The following IL1RAPL2 variants were observed in gnomAD, a reference collection of about 807,000 sequenced individuals.
The protein encoded by IL1RAPL2 is interleukin 1 receptor accessory protein like 2.
IL1RAPL2 carries 3 observed loss-of-function variants against 44.1 expected under a neutral mutation model. The observed-to-expected ratio is 0.07, with a 90% CI of 0.03 to 0.18. The LOEUF (loss-of-function observed/expected upper bound fraction) is 0.18. Ranked by LOEUF, IL1RAPL2 falls within the 10% of genes least tolerant of loss-of-function variation. The pLI is 1.00. For synonymous variants in IL1RAPL2, 181 were observed against 178.8 expected, an observed-to-expected ratio of 1.01 and a Z score of -0.10; for missense variants, 391 against 496.4, an observed-to-expected ratio of 0.79 and a Z score of 2.02.
At chrX:105,496,876 A>C (rs2036359932) in intron 6 of IL1RAPL2, among the ~76,000 whole-genome samples, 1 of 111,797 alleles carries the variant, frequency 8.9e-6, no homozygotes, top group African/African-American at 3.3e-5. Context: ...TTTCTCAGTC[A>C]AGTGGTTTGC....
chrX:105,180,191 G>A (rs1231865021), intron 2 of IL1RAPL2, among the ~76,000 whole-genome samples: 1 of 109,909 alleles, frequency 9.1e-6, no homozygotes, highest in East Asian at 2.9e-4. Flanking sequence ...ACAAAAATTA[G>A]CCAGGTGTGG....
chrX:104,775,667 TATA>T (rs975328062), intron 2 of IL1RAPL2, among the ~76,000 whole-genome samples: 1 of 111,763 alleles, frequency 8.9e-6, no homozygotes, highest in African/African-American at 3.3e-5. Context: ...TCTCTGCAAT[TATA>T]ATGTGTTAAT....
chrX:105,621,581 G>C (rs2047895572), intron 6 of IL1RAPL2, among the ~76,000 whole-genome samples: 1 of 111,457 alleles, frequency 9.0e-6, no homozygotes, highest in African/African-American at 3.3e-5. Context: ...CAAAAACACA[G>C]TTCTGAAAGG....
At chrX:105,620,035 A>G in intron 6 of IL1RAPL2, among the ~76,000 whole-genome samples, 1 of 110,919 alleles carries the variant, frequency 9.0e-6, no homozygotes, top group Non-Finnish European at 1.9e-5. Flanking sequence ...TTTGTCACTT[A>G]GTTATGGAGA....
At chrX:104,895,992 T>C (rs142572493) in intron 2 of IL1RAPL2, among the ~76,000 whole-genome samples, 1,668 of 112,042 alleles carry the variant, frequency 0.015, 36 homozygotes, top group African/African-American at 0.051. Flanking sequence ...GACCTCCTCA[T>C]TGCTGAGAAA....
chrX:104,946,057 A>AT (rs1417067490), intron 2 of IL1RAPL2, among the ~76,000 whole-genome samples: 4 of 109,675 alleles, frequency 3.6e-5, no homozygotes, highest in Non-Finnish European at 7.6e-5. Context: ...ATCATTTATT[A>AT]TTTTTTTATA....
At chrX:105,330,341 T>C (rs1298050360) in intron 5 of IL1RAPL2, among the ~76,000 whole-genome samples, 1 of 111,003 alleles carries the variant, frequency 9.0e-6, no homozygotes, top group African/African-American at 3.3e-5. Flanking sequence ...CAAAAAGCTC[T>C]ACCCTCCTCG....
At chrX:104,837,078 A>C (rs1189259210) in intron 2 of IL1RAPL2, among the ~76,000 whole-genome samples, 1 of 111,564 alleles carries the variant, frequency 9.0e-6, no homozygotes, top group Non-Finnish European at 1.9e-5. Flanking sequence ...TTATGGGTGC[A>C]TAGTATTCCA....
chrX:105,324,733 A>G lies in IL1RAPL2; in HGVS notation c.697+57192A>G, dbSNP rs763288472. Among the ~76,000 whole-genome samples the G allele has an allele frequency of 2.7e-5, 3 of 112,375 alleles. No homozygotes were observed. The South Asian group carries it at 1.1e-3, about 41-fold the overall frequency. On this transcript the variant is annotated intron_variant, in intron 5 of 10. Coordinates refer to ENST00000372582, the MANE Select transcript of IL1RAPL2 (RefSeq NM_017416.2). ...AGTAACAAAGAAAGGGCCTGAGTCT[A>G]GGTTTTCAGAATTCACACCTAATAC...
intron 6 of IL1RAPL2, among the ~76,000 whole-genome samples, chrX:105,621,243 G>A (rs2037416868): frequency 9.0e-6 from 1 of 111,702 alleles, no homozygotes; most frequent in South Asian, 3.7e-4. Flanking sequence ...ACACCAAATT[G>A]TTTTTGGACA....
intron 2 of IL1RAPL2, among the ~76,000 whole-genome samples, chrX:105,050,364 C>T (rs755709677): frequency 3.6e-5 from 4 of 111,881 alleles, no homozygotes; most frequent in South Asian, 7.5e-4. Context: ...TTATGGCATT[C>T]GCAGATTTAC....
chrX:104,870,255 TGAG>T (rs1470532524), intron 2 of IL1RAPL2, among the ~76,000 whole-genome samples: 3 of 112,305 alleles, frequency 2.7e-5, no homozygotes, highest in Non-Finnish European at 5.6e-5. Flanking sequence ...AACAACTCTA[TGAG>T]GAGATTACTA....
intron 2 of IL1RAPL2, among the ~76,000 whole-genome samples, chrX:105,011,491 C>T (rs1477343892): frequency 9.0e-6 from 1 of 111,317 alleles, no homozygotes; most frequent in Non-Finnish European, 1.9e-5. Context: ...ATTTTAATCA[C>T]AGCTAGTCCT....
intron 5 of IL1RAPL2, among the ~76,000 whole-genome samples, chrX:105,478,966 A>C (rs1017611722): frequency 4.5e-5 from 5 of 112,336 alleles, no homozygotes; most frequent in African/African-American, 1.6e-4. Context: ...TTTAATTTGT[A>C]TTCAAAGTAG....
intron 2 of IL1RAPL2, among the ~76,000 whole-genome samples, chrX:104,923,261 C>T (rs1245871900): frequency 8.9e-6 from 1 of 111,820 alleles, no homozygotes; most frequent in African/African-American, 3.2e-5. Flanking sequence ...GAAAAATTCC[C>T]TGATCTTCCT....
chrX:105,610,722 C>T (rs375721076), intron 6 of IL1RAPL2, among the ~76,000 whole-genome samples: 20 of 111,296 alleles, frequency 1.8e-4, no homozygotes, highest in African/African-American at 5.2e-4. Flanking sequence ...GTAAACAAAC[C>T]GACTGTGCTA....
intron 5 of IL1RAPL2, among the ~76,000 whole-genome samples, chrX:105,427,380 G>C (rs1319773134): frequency 1.8e-5 from 2 of 111,811 alleles, no homozygotes; most frequent in Non-Finnish European, 3.8e-5. Flanking sequence ...TTCAATAGAG[G>C]GGTTTATATA....
chrX:105,431,389 A>G (rs2035846243), intron 5 of IL1RAPL2, among the ~76,000 whole-genome samples: 1 of 111,517 alleles, frequency 9.0e-6, no homozygotes, highest in South Asian at 3.7e-4. Context: ...AAACACCAAA[A>G]TGAAGCAGAT....
At chrX:104,951,146 A>G (rs774702287) in intron 2 of IL1RAPL2, among the ~76,000 whole-genome samples, 24 of 110,959 alleles carry the variant, frequency 2.2e-4, no homozygotes, top group African/African-American at 7.2e-4. Context: ...CTTCTGCGTC[A>G]CTCACGCTGG....
Sources: gnomAD v4.1 joint callset for allele counts (sites outside exome capture counted in the v4.1 genomes callset) on GRCh38, gnomAD v4.1.1 for gene constraint, MANE v1.5 for transcripts, NCBI Gene and HGNC (gene_info 2026-07-23, HGNC 2026-07-21) for gene names.